Variants in AGBL4 observed in about 807,000 individuals in gnomAD.
AGBL4 encodes AGBL carboxypeptidase 4.
A neutral mutation model predicts 66.4 loss-of-function variants in AGBL4; 58 were observed. That is an observed-to-expected ratio of 0.87 (90% CI 0.71 to 1.09). AGBL4 has a LOEUF of 1.09. Ranked by LOEUF, AGBL4 falls within the 50% of genes least tolerant of loss-of-function variation. AGBL4 has a pLI of 0.00. For synonymous variants in AGBL4, 234 were observed against 222.9 expected, an observed-to-expected ratio of 1.05 and a Z score of -0.44; for missense variants, 579 against 631.0, an observed-to-expected ratio of 0.92 and a Z score of 0.88.
chr1:49,711,146 T>C (rs1441839581), intron 2 of AGBL4, among the ~76,000 whole-genome samples: 1 of 152,064 alleles, frequency 6.6e-6, no homozygotes, highest in African/African-American at 2.4e-5. Flanking sequence ...ACGTTTCCAG[T>C]GAAAATGTAA....
intron 4 of AGBL4, among the ~76,000 whole-genome samples, chr1:49,221,455 T>C (rs1168006625): frequency 2.0e-5 from 3 of 152,124 alleles, no homozygotes; most frequent in African/African-American, 7.2e-5. Flanking sequence ...TCCTCATCCT[T>C]AAGAAAGTTC....
chr1:48,714,054 G>C (rs927019698), intron 6 of AGBL4, among the ~76,000 whole-genome samples: 6 of 152,114 alleles, frequency 3.9e-5, no homozygotes, highest in African/African-American at 1.4e-4. Flanking sequence ...ACTATAACAT[G>C]ATCTTTAGAG....
At chr1:49,126,747 T>C (rs946555171) in intron 4 of AGBL4, among the ~76,000 whole-genome samples, 1 of 152,170 alleles carries the variant, frequency 6.6e-6, no homozygotes, top group African/African-American at 2.4e-5. Context: ...CCTCTTTTGA[T>C]AGATTGTAAA....
chr1:49,148,167 G>A (rs1275419311), intron 4 of AGBL4, among the ~76,000 whole-genome samples: 1 of 152,078 alleles, frequency 6.6e-6, no homozygotes. Flanking sequence ...CATACATAAA[G>A]TATTTAGCAT....
intron 5 of AGBL4, among the ~76,000 whole-genome samples, chr1:48,984,066 T>C (rs1175865236): frequency 6.6e-6 from 1 of 152,140 alleles, no homozygotes; most frequent in Non-Finnish European, 1.5e-5. Flanking sequence ...CTTTTATATC[T>C]GTGTCATTTA....
At chr1:48,742,822 G>C in intron 6 of AGBL4, 1 of 1,433,036 alleles carries the variant, frequency 7.0e-7, no homozygotes, top group Non-Finnish European at 9.2e-7. Context: ...AAAATAAAAG[G>C]CAAATATTTT....
chr1:48,590,133 G>A (rs556376546), intron 10 of AGBL4, among the ~76,000 whole-genome samples: 1 of 152,158 alleles, frequency 6.6e-6, no homozygotes, highest in South Asian at 2.1e-4. Flanking sequence ...GGCCAGGCGC[G>A]GTGGCTCACG....
intron 1 of AGBL4, among the ~76,000 whole-genome samples, chr1:49,941,751 T>A (rs1216242022): frequency 1.3e-5 from 2 of 152,002 alleles, no homozygotes; most frequent in Non-Finnish European, 2.9e-5. Context: ...TTAAAGACCA[T>A]ATATGGCAAG....
chr1:48,780,006 G>A (rs921762685), intron 6 of AGBL4, among the ~76,000 whole-genome samples: 3 of 151,710 alleles, frequency 2.0e-5, no homozygotes, highest in Non-Finnish European at 4.4e-5. Flanking sequence ...GAGCCACCGC[G>A]CCCGGCCTTT....
intron 1 of AGBL4, among the ~76,000 whole-genome samples, chr1:49,930,657 A>G (rs1190365505): frequency 6.6e-6 from 1 of 152,150 alleles, no homozygotes; most frequent in Non-Finnish European, 1.5e-5. Context: ...TCAAATTAAC[A>G]TACCAAAAAC....
intron 2 of AGBL4, among the ~76,000 whole-genome samples, chr1:49,738,624 C>A (rs564813604): frequency 6.6e-6 from 1 of 152,322 alleles, no homozygotes; most frequent in South Asian, 2.1e-4. Flanking sequence ...GGGTCCTTGA[C>A]CCCCAAGTAG....
rs368768528 is a variant in AGBL4, at chr1:49,413,838, T to C, written c.283-167974A>G. 3.3e-4 allele frequency among the ~76,000 whole-genome samples: 51 copies of C among 152,346 alleles called. 1 individual carries two copies. The South Asian group carries it at 9.7e-3, about 29-fold the overall frequency. On this transcript the variant is annotated intron_variant, in intron 3 of 13. Transcript: ENST00000371839. ...GAAATCTTACTTCAAGTCTTGGCTC[T>C]TTCCCTTTCTAGTTATGTGATCTGT... is the stretch of plus-strand genomic sequence containing the variant.
At chr1:49,242,917 A>G (rs1651348423) in intron 4 of AGBL4, among the ~76,000 whole-genome samples, 1 of 151,700 alleles carries the variant, frequency 6.6e-6, no homozygotes, top group African/African-American at 2.4e-5. Flanking sequence ...GTCTATGCTA[A>G]GACTTGAAGG....
At chr1:49,078,665 C>G (rs1042446787) in intron 4 of AGBL4, among the ~76,000 whole-genome samples, 1 of 152,152 alleles carries the variant, frequency 6.6e-6, no homozygotes, top group African/African-American at 2.4e-5. Flanking sequence ...TTTAAACCAC[C>G]ATTTTCTTTC....
chr1:49,174,599 A>G (rs1646797472), intron 4 of AGBL4, among the ~76,000 whole-genome samples: 2 of 152,130 alleles, frequency 1.3e-5, no homozygotes, highest in Admixed American at 1.3e-4. Context: ...CAGAGAATGT[A>G]TATTCCACTG....
In AGBL4 at chr1:49,605,805, A is replaced by T. The variant is rs541136742; in HGVS notation, c.282+91508T>A. On this transcript the variant is annotated intron_variant, in intron 3 of 13. Transcript: ENST00000371839. ...AACCACCTAGACAGCTATTCCAAAA[A>T]TTATACAGAAAGCGAAATACTAAAA... Among the ~76,000 whole-genome samples the T allele has an allele frequency of 1.4e-4, 21 of 152,250 alleles. No individual in the cohort carries two copies. The East Asian group carries it at 2.7e-3, about 20-fold the overall frequency.
At chr1:49,723,386 C>T (rs966997817) in intron 2 of AGBL4, among the ~76,000 whole-genome samples, 3 of 152,128 alleles carry the variant, frequency 2.0e-5, no homozygotes, top group African/African-American at 7.2e-5. Flanking sequence ...TCCATTGAGC[C>T]TATACTCCCT....
chr1:49,496,236 C>CT (rs967941008), intron 3 of AGBL4, among the ~76,000 whole-genome samples: 19 of 151,594 alleles, frequency 1.3e-4, no homozygotes, highest in South Asian at 4.2e-4. Context: ...AAAATGGAGT[C>CT]TTTTTTTTCA....
At chr1:48,567,794 C>T (rs1329676227) in intron 11 of AGBL4, among the ~76,000 whole-genome samples, 2 of 152,176 alleles carry the variant, frequency 1.3e-5, no homozygotes, top group African/African-American at 4.8e-5. Flanking sequence ...TAAGCCAGTG[C>T]TTCCCGACCT....
Sources: gnomAD v4.1 joint callset for allele counts (sites outside exome capture counted in the v4.1 genomes callset) on GRCh38, gnomAD v4.1.1 for gene constraint, MANE v1.5 for transcripts, NCBI Gene and HGNC (gene_info 2026-07-23, HGNC 2026-07-21) for gene names.